The following RFX7 variants were observed in gnomAD, a reference collection of about 807,000 sequenced individuals.
RFX7 encodes DNA-binding protein RFX7.
RFX7 carries 26 observed loss-of-function variants against 111.8 expected under a neutral mutation model. The ratio of observed to expected loss-of-function variants is 0.23; its 90% confidence interval spans 0.17 to 0.32. The LOEUF is 0.32. Ranked by LOEUF, RFX7 falls within the 10% of genes least tolerant of loss-of-function variation. RFX7 has a pLI of 1.00. For synonymous variants in RFX7, 624 were observed against 624.4 expected (o/e 1.00, Z 0.01); for missense variants, 1,573 against 1,772.9 (o/e 0.89, Z 2.02).
intron 2 of RFX7, among the ~76,000 whole-genome samples, chr15:56,213,339 A>C (rs2043331230): frequency 6.6e-6 from 1 of 152,202 alleles, no homozygotes; most frequent in South Asian, 2.1e-4. Context: ...CCATATCATG[A>C]AGTACTATTC....
chr15:56,217,418 C>CT (rs768315071), intron 2 of RFX7, among the ~76,000 whole-genome samples: 397 of 143,600 alleles, frequency 2.8e-3, no homozygotes, highest in Middle Eastern at 3.7e-3. Flanking sequence ...GCTGTTACAA[C>CT]TTTTTTTTTT....
chr15:56,228,022 T>C (rs1295649220), intron 2 of RFX7, among the ~76,000 whole-genome samples: 3 of 152,168 alleles, frequency 2.0e-5, no homozygotes, highest in African/African-American at 7.2e-5. Flanking sequence ...TCAACACCGA[T>C]ATTTCACTGC....
chr15:56,152,667 T>A (rs1301120584), intron 3 of RFX7, among the ~76,000 whole-genome samples: 12 of 144,914 alleles, frequency 8.3e-5, no homozygotes, highest in African/African-American at 2.8e-4. Context: ...GAAAACAAAT[T>A]CAAAAACTAG....
At chr15:56,175,487 A>G (rs2042894330) in intron 3 of RFX7, among the ~76,000 whole-genome samples, 1 of 152,198 alleles carries the variant, frequency 6.6e-6, no homozygotes, top group South Asian at 2.1e-4. Flanking sequence ...ATCTGATATC[A>G]AGACTTTCTA....
intron 3 of RFX7, among the ~76,000 whole-genome samples, chr15:56,178,311 T>C (rs1464689526): frequency 3.3e-5 from 5 of 151,982 alleles, no homozygotes; most frequent in Admixed American, 3.3e-4. Flanking sequence ...ACTGATTAAA[T>C]TTCCTCTTCT....
At chr15:56,173,548 C>T (rs1377875128) in intron 3 of RFX7, among the ~76,000 whole-genome samples, 4 of 152,174 alleles carry the variant, frequency 2.6e-5, no homozygotes, top group Admixed American at 6.5e-5. Flanking sequence ...TGGGAAGCCA[C>T]GGCAAGTGGA....
intron 5 of RFX7, among the ~76,000 whole-genome samples, chr15:56,106,237 A>G (rs2041828061): frequency 6.6e-6 from 1 of 152,246 alleles, no homozygotes; most frequent in South Asian, 2.1e-4. Context: ...ATTTCACAAA[A>G]TCATCCAATT....
chr15:56,100,129 C>G, intron 8 of RFX7, among the ~76,000 whole-genome samples: 1 of 152,146 alleles, frequency 6.6e-6, no homozygotes, highest in East Asian at 1.9e-4. Flanking sequence ...ACAGACAAAT[C>G]AGAATTCAAA....
chr15:56,101,625 C>T, intron 7 of RFX7, 59 bp from the exon 8 acceptor site: 3 of 1,417,990 alleles, frequency 2.1e-6, no homozygotes, highest in Non-Finnish European at 3.0e-6. Flanking sequence ...TAAATTGAAG[C>T]ATGTTAAAGA....
intron 3 of RFX7, among the ~76,000 whole-genome samples, chr15:56,171,022 A>G (rs1385857423): frequency 9.2e-5 from 14 of 152,220 alleles, no homozygotes; most frequent in Admixed American, 9.2e-4. Flanking sequence ...AAAGACGACT[A>G]TGATGATAGT....
At chr15:56,112,379 C>CAAAAAAAAAAAAAAA (rs71110374) in intron 5 of RFX7, among the ~76,000 whole-genome samples, 17 of 71,768 alleles carry the variant, frequency 2.4e-4, no homozygotes, top group South Asian at 6.4e-4. Flanking sequence ...GAGTACAAAT[C>CAAAAAAAAAAAAAAA]AAAAAAAAAA....
At chr15:56,158,758 A>G (rs1328444407) in intron 3 of RFX7, among the ~76,000 whole-genome samples, 2 of 152,060 alleles carry the variant, frequency 1.3e-5, no homozygotes, top group African/African-American at 4.8e-5. Flanking sequence ...CAGAGGTCAA[A>G]GCTGCAGTGA....
chr15:56,141,196 A>G (rs2042387612), intron 5 of RFX7, among the ~76,000 whole-genome samples: 1 of 151,660 alleles, frequency 6.6e-6, no homozygotes, highest in Non-Finnish European at 1.5e-5. Flanking sequence ...ACAAAAACAA[A>G]AGTTAGCCAG....
At chr15:56,118,014 CCTATCTAT>C (rs375074523) in intron 5 of RFX7, among the ~76,000 whole-genome samples, 18 of 151,310 alleles carry the variant, frequency 1.2e-4, no homozygotes, top group African/African-American at 3.9e-4. Flanking sequence ...ATATGATAGT[CCTATCTAT>C]CTATCTATCT....
At chr15:56,105,757 T>C (rs1052003222) in intron 5 of RFX7, among the ~76,000 whole-genome samples, 19 of 152,090 alleles carry the variant, frequency 1.2e-4, no homozygotes, top group African/African-American at 4.1e-4. Flanking sequence ...AAAATTAATA[T>C]AGTAGTTTAG....
chr15:56,160,214 G>GT (rs1237694446), intron 3 of RFX7, among the ~76,000 whole-genome samples: 3 of 152,112 alleles, frequency 2.0e-5, no homozygotes, highest in African/African-American at 7.2e-5. Flanking sequence ...AGAAATGCTT[G>GT]TTTGAGACTT....
intron 3 of RFX7, among the ~76,000 whole-genome samples, chr15:56,150,853 C>T (rs1421507269): frequency 1.3e-5 from 2 of 152,028 alleles, no homozygotes; most frequent in Admixed American, 1.3e-4. Context: ...CTAGAATAAC[C>T]AAGGTAGAGA....
chr15:56,197,737 A>G (rs1596003230), intron 2 of RFX7, among the ~76,000 whole-genome samples: 14 of 152,294 alleles, frequency 9.2e-5, no homozygotes, highest in Middle Eastern at 3.4e-3. Flanking sequence ...TATTTGGATC[A>G]TGGTCTTTGA....
chr15:56,142,400 A>G (rs2042412730), intron 5 of RFX7, among the ~76,000 whole-genome samples: 1 of 151,852 alleles, frequency 6.6e-6, no homozygotes, highest in Non-Finnish European at 1.5e-5. Context: ...GTAAAAAATC[A>G]TGTTTTAGTT....
Sources: allele counts gnomAD v4.1 joint callset (sites outside exome capture counted in the v4.1 genomes callset), GRCh38; gene constraint gnomAD v4.1.1; transcripts MANE v1.5; gene names NCBI Gene and HGNC (gene_info 2026-07-23, HGNC 2026-07-21).